SEMA5A: variants seen among roughly 807,000 people sequenced by gnomAD.
SEMA5A encodes the protein semaphorin 5A.
SEMA5A carries 55 observed loss-of-function variants against 135.5 expected under a neutral mutation model. The observed-to-expected ratio is 0.41, with a 90% CI of 0.33 to 0.51. The LOEUF is 0.51. Among genes scored for constraint, SEMA5A ranks in the 20% least tolerant of loss-of-function variants. The probability of loss-of-function intolerance (pLI) is 0.37; values close to 1 mark genes in which losing one functional copy is unlikely to be tolerated. For synonymous variants in SEMA5A, 580 were observed against 546.5 expected (o/e 1.06, Z -0.85); for missense variants, 1,290 against 1,419.9 (o/e 0.91, Z 1.47).
intron 4 of SEMA5A, among the ~76,000 whole-genome samples, chr5:9,335,412 A>G (rs899542809): frequency 6.6e-6 from 1 of 152,204 alleles, no homozygotes; most frequent in African/African-American, 2.4e-5. Flanking sequence ...GGCTTCTCAC[A>G]TCCCTTAGGA....
intron 2 of SEMA5A, among the ~76,000 whole-genome samples, chr5:9,396,599 C>T (rs971405337): frequency 6.6e-6 from 1 of 152,156 alleles, no homozygotes; most frequent in Non-Finnish European, 1.5e-5. Flanking sequence ...ACCTAAAGCA[C>T]CCCAGAGCCA....
intron 4 of SEMA5A, among the ~76,000 whole-genome samples, chr5:9,334,935 C>A (rs1156607259): frequency 6.6e-6 from 1 of 152,164 alleles, no homozygotes; most frequent in African/African-American, 2.4e-5. Context: ...GCGGCCCATC[C>A]GATCCTTCCC....
intron 11 of SEMA5A, among the ~76,000 whole-genome samples, chr5:9,177,017 T>G (rs1027141666): frequency 2.0e-5 from 3 of 152,218 alleles, no homozygotes; most frequent in African/African-American, 4.8e-5. Flanking sequence ...TAAATAGAAT[T>G]ATCAGATAGG....
chr5:9,314,367 GT>G (rs1752299280), intron 5 of SEMA5A, among the ~76,000 whole-genome samples: 1 of 131,494 alleles, frequency 7.6e-6, no homozygotes, highest in South Asian at 2.3e-4. Flanking sequence ...TGAAGACTGA[GT>G]TCCAGAAAAA....
chr5:9,200,102 G>A (rs1356003560), intron 9 of SEMA5A, among the ~76,000 whole-genome samples: 1 of 152,158 alleles, frequency 6.6e-6, no homozygotes, highest in African/African-American at 2.4e-5. Context: ...GGAAAATATT[G>A]TGAAATTTGA....
intron 1 of SEMA5A, among the ~76,000 whole-genome samples, chr5:9,533,742 T>C (rs268550): frequency 0.7 from 107,234 of 152,128 alleles, 38,106 homozygotes; most frequent in Middle Eastern, 0.8. Context: ...TTCCTTTAGC[T>C]TTCTACCAAT....
chr5:9,056,180 G>A (rs553972250), intron 18 of SEMA5A, among the ~76,000 whole-genome samples: 1 of 152,144 alleles, frequency 6.6e-6, no homozygotes, highest in African/African-American at 2.4e-5. Context: ...CCTCTGTATG[G>A]AATGATAAAC....
chr5:9,420,720 G>A (rs414293), intron 2 of SEMA5A, among the ~76,000 whole-genome samples: 34,016 of 152,072 alleles, frequency 0.22, 3,927 homozygotes, highest in East Asian at 0.31. Flanking sequence ...AACAGGGTTA[G>A]AATTCATGGC....
At chr5:9,205,157 T>C (rs1043135275) in intron 8 of SEMA5A, among the ~76,000 whole-genome samples, 1 of 152,148 alleles carries the variant, frequency 6.6e-6, no homozygotes, top group African/African-American at 2.4e-5. Context: ...TTTTCTGCTT[T>C]AGAAAAACAA....
At chr5:9,096,932 G>T (rs960563301) in intron 16 of SEMA5A, among the ~76,000 whole-genome samples, 1 of 151,984 alleles carries the variant, frequency 6.6e-6, no homozygotes, top group East Asian at 1.9e-4. Context: ...TCTCTATGAT[G>T]AAAAAACAGT....
At chr5:9,130,423 C>T (rs1741345159) in intron 13 of SEMA5A, among the ~76,000 whole-genome samples, 1 of 152,152 alleles carries the variant, frequency 6.6e-6, no homozygotes, top group African/African-American at 2.4e-5. Context: ...ATCAACTAAG[C>T]ATCATCCCTA....
intron 8 of SEMA5A, among the ~76,000 whole-genome samples, chr5:9,221,170 T>A (rs977158608): frequency 1.3e-5 from 2 of 152,202 alleles, no homozygotes; most frequent in African/African-American, 4.8e-5. Context: ...CATCATTTAA[T>A]GGGTCCTTAA....
At chr5:9,175,147 C>T (rs776977225) in intron 11 of SEMA5A, among the ~76,000 whole-genome samples, 137 of 152,152 alleles carry the variant, frequency 9.0e-4, no homozygotes, top group Non-Finnish European at 1.3e-3. Context: ...AATTCTGCTC[C>T]CTGCATCCCC....
intron 1 of SEMA5A, among the ~76,000 whole-genome samples, chr5:9,522,193 G>A (rs1736871407): frequency 6.6e-6 from 1 of 152,118 alleles, no homozygotes; most frequent in Non-Finnish European, 1.5e-5. Flanking sequence ...GCAAGATCGG[G>A]CTAATGTAAT....
At chr5:9,270,111 C>T (rs1203240816) in intron 5 of SEMA5A, among the ~76,000 whole-genome samples, 1 of 152,242 alleles carries the variant, frequency 6.6e-6, no homozygotes, top group African/African-American at 2.4e-5. Flanking sequence ...TTAATACATT[C>T]CAGGCAGAGA....
chr5:9,279,118 G>C (rs1750413791), intron 5 of SEMA5A, among the ~76,000 whole-genome samples: 1 of 152,202 alleles, frequency 6.6e-6, no homozygotes, highest in South Asian at 2.1e-4. Context: ...AGCAGCCAAG[G>C]GGCGTGTACC....
intron 5 of SEMA5A, among the ~76,000 whole-genome samples, chr5:9,259,858 C>T (rs1447071575): frequency 7.6e-5 from 4 of 52,618 alleles, no homozygotes; most frequent in Non-Finnish European, 1.5e-4. Flanking sequence ...CAAACACATT[C>T]AAAAGCTAGC....
chr5:9,529,743 T>C (rs1044196118), intron 1 of SEMA5A, among the ~76,000 whole-genome samples: 2 of 152,192 alleles, frequency 1.3e-5, no homozygotes, highest in African/African-American at 4.8e-5. Context: ...AATATGAACT[T>C]AGCTTCCTAT....
chr5:9,337,514 T>A (rs1753444225), intron 4 of SEMA5A, among the ~76,000 whole-genome samples, 199 bp downstream of exon 4: 1 of 152,200 alleles, frequency 6.6e-6, no homozygotes, highest in Admixed American at 6.5e-5. Context: ...GAGGGCCCGA[T>A]CAATGCTTAC....
Sources: allele counts gnomAD v4.1 joint callset (sites outside exome capture counted in the v4.1 genomes callset), GRCh38; gene constraint gnomAD v4.1.1; transcripts MANE v1.5; gene names NCBI Gene and HGNC (gene_info 2026-07-23, HGNC 2026-07-21).